The following SGCD variants were observed in gnomAD, a reference collection of about 807,000 sequenced individuals.
SGCD encodes sarcoglycan delta.
SGCD carries 18 observed loss-of-function variants against 36.6 expected under a neutral mutation model. That is an observed-to-expected ratio of 0.49 (90% CI 0.34 to 0.73). The LOEUF (loss-of-function observed/expected upper bound fraction) is 0.73. Ranked by LOEUF, SGCD falls within the 30% of genes least tolerant of loss-of-function variation. The pLI is 0.01. For missense variants in SGCD, 387 were observed against 346.7 expected (o/e 1.12, Z -0.92); for synonymous variants, 133 against 130.6 (o/e 1.02, Z -0.12).
intron 7 of SGCD, among the ~76,000 whole-genome samples, chr5:156,719,276 A>G (rs74614531): frequency 0.012 from 1,809 of 152,146 alleles, 32 homozygotes; most frequent in African/African-American, 0.041. Context: ...GTCTTGTTCT[A>G]TTGAGACTTT....
chr5:155,926,400 G>A (rs1756998395), intron 1 of SGCD, among the ~76,000 whole-genome samples: 1 of 152,106 alleles, frequency 6.6e-6, no homozygotes, highest in East Asian at 1.9e-4. Context: ...AGCAAAGATT[G>A]AGCTAACAAA....
At chr5:155,818,839 G>C in the SGCD span, among the ~76,000 whole-genome samples, 15 of 152,142 alleles carry the variant, frequency 9.9e-5, no homozygotes, top group Non-Finnish European at 1.5e-5. Context: ...AGATACTTAC[G>C]GAGAGTGACA....
chr5:155,871,885 T>TGACATAAAAAA, intron 1 of SGCD, among the ~76,000 whole-genome samples: 1 of 152,096 alleles, frequency 6.6e-6, no homozygotes, highest in South Asian at 2.1e-4. Context: ...AAATACATCG[T>TGACATAAAAAA]TAGATTTGTG....
At chr5:156,591,837 T>C (rs1393307837) in intron 5 of SGCD, among the ~76,000 whole-genome samples, 1 of 152,152 alleles carries the variant, frequency 6.6e-6, no homozygotes, top group Non-Finnish European at 1.5e-5. Flanking sequence ...TCCAGCCATG[T>C]CCAGGGAATT....
chr5:156,462,653 G>C (rs957429017), intron 3 of SGCD, among the ~76,000 whole-genome samples: 1 of 152,242 alleles, frequency 6.6e-6, no homozygotes, highest in Admixed American at 6.5e-5. Flanking sequence ...AGTGAGGAAA[G>C]TATTCTTTTA....
intron 1 of SGCD, among the ~76,000 whole-genome samples, chr5:155,950,821 G>C (rs1757534243): frequency 6.6e-6 from 1 of 152,138 alleles, no homozygotes; most frequent in East Asian, 1.9e-4. Flanking sequence ...TCTTCAAATA[G>C]TTGGAGTCTG....
At chr5:156,382,470 A>G (rs1230767496) in intron 3 of SGCD, among the ~76,000 whole-genome samples, 1 of 152,198 alleles carries the variant, frequency 6.6e-6, no homozygotes, top group East Asian at 1.9e-4. Flanking sequence ...GTCTTGATGT[A>G]CTTGTAAATC....
intron 3 of SGCD, among the ~76,000 whole-genome samples, chr5:156,202,351 A>G (rs1003040804): frequency 6.6e-6 from 1 of 152,174 alleles, no homozygotes. Context: ...ACTGTTTTAC[A>G]ATTTTAAATT....
intron 3 of SGCD, among the ~76,000 whole-genome samples, chr5:156,198,854 T>TTTATTA (rs139698403): frequency 2.6e-5 from 4 of 151,776 alleles, no homozygotes; most frequent in African/African-American, 9.7e-5. Flanking sequence ...TGGTTTTTAT[T>TTTATTA]TTATTATTAT....
At chr5:156,235,023 T>G (rs1487552160) in intron 3 of SGCD, among the ~76,000 whole-genome samples, 2 of 152,226 alleles carry the variant, frequency 1.3e-5, no homozygotes, top group Non-Finnish European at 2.9e-5. Flanking sequence ...AGATTATGGT[T>G]CTGAAAGATT....
intron 1 of SGCD, among the ~76,000 whole-genome samples, chr5:155,952,989 C>T (rs10062650): frequency 0.61 from 92,565 of 152,022 alleles, 28,732 homozygotes; most frequent in African/African-American, 0.71. Flanking sequence ...CCTTTAGAAA[C>T]ACTGAAAGAT....
At chr5:155,868,418 C>A (rs1490691971), upstream of SGCD, among the ~76,000 whole-genome samples, 1 of 135,390 alleles carries the variant, frequency 7.4e-6, no homozygotes, top group South Asian at 2.4e-4. Flanking sequence ...GGGTGCCAGA[C>A]TGGTCTAGAA....
intron 1 of SGCD, among the ~76,000 whole-genome samples, chr5:155,983,624 C>T (rs1758273693): frequency 1.3e-5 from 2 of 152,046 alleles, no homozygotes; most frequent in South Asian, 4.1e-4. Context: ...ATGTGAAACT[C>T]CTTAGCTGGA....
At chr5:155,900,113 G>T (rs1003688763) in intron 1 of SGCD, among the ~76,000 whole-genome samples, 3 of 151,954 alleles carry the variant, frequency 2.0e-5, no homozygotes, top group Non-Finnish European at 2.9e-5. Context: ...GGATTTATTT[G>T]TATGCCATGA....
chr5:156,263,374 T>C lies in SGCD; in HGVS notation c.-43-66160T>C, dbSNP rs957321835. 2.6e-5 allele frequency among the ~76,000 whole-genome samples: 4 copies of C among 152,198 alleles called. 1 individual carries two copies. The highest frequency in any genetic ancestry group is 2.6e-4 in the Admixed American group (4 of 15,270). Reference sequence around the variant, plus strand: ...TAGTGATATTGAGCATTTTTTCATATGTTTGTTGGCCATTGTATATCTTCT... The same window carrying C: ...TAGTGATATTGAGCATTTTTTCATACGTTTGTTGGCCATTGTATATCTTCT... On this transcript the variant is annotated intron_variant, in intron 3 of 9. Coordinates refer to the SGCD transcript ENST00000517913.
At chr5:156,250,025 A>G (rs1322268359) in intron 3 of SGCD, among the ~76,000 whole-genome samples, 1 of 152,172 alleles carries the variant, frequency 6.6e-6, no homozygotes, top group Non-Finnish European at 1.5e-5. Flanking sequence ...ATCCAAGGTA[A>G]AGAGCTGTTT....
intron 4 of SGCD, among the ~76,000 whole-genome samples, chr5:156,525,538 G>A (rs969486368): frequency 6.7e-6 from 1 of 150,124 alleles, no homozygotes; most frequent in African/African-American, 2.5e-5. Context: ...TTTTCATTTT[G>A]TTGATTTTTT....
intron 1 of SGCD, among the ~76,000 whole-genome samples, chr5:155,893,384 A>T (rs1756180231): frequency 6.6e-6 from 1 of 152,242 alleles, no homozygotes; most frequent in Admixed American, 6.5e-5. Flanking sequence ...GTTCTAAGTG[A>T]ACACTAACAT....
the SGCD span, among the ~76,000 whole-genome samples, chr5:155,793,646 A>G: frequency 1.3e-5 from 2 of 151,672 alleles, no homozygotes; most frequent in East Asian, 1.9e-4. Context: ...GGTTCAAGCA[A>G]TTCTCCTACC....
Sources: allele counts gnomAD v4.1 joint callset (sites outside exome capture counted in the v4.1 genomes callset), GRCh38; gene constraint gnomAD v4.1.1; transcripts MANE v1.5; gene names NCBI Gene and HGNC (gene_info 2026-07-23, HGNC 2026-07-21).